The following SLC22A9 variants were observed in gnomAD, a reference collection of about 807,000 sequenced individuals.
SLC22A9 encodes the protein solute carrier family 22 member 9.
SLC22A9 carries 64 observed loss-of-function variants against 50.1 expected under a neutral mutation model. That is an observed-to-expected ratio of 1.28 (90% confidence interval 1.04 to 1.57). The LOEUF is 1.57. Ranked by LOEUF, SLC22A9 falls within the 40% of genes most tolerant of loss-of-function variation. The pLI is 0.00. For missense variants in SLC22A9, 757 were observed against 676.1 expected (o/e 1.12, Z -1.33); for synonymous variants, 261 against 242.5 (o/e 1.08, Z -0.71).
chr11:63,404,565 C>G (rs1032223143), intron 6 of SLC22A9, among the ~76,000 whole-genome samples: 1 of 152,042 alleles, frequency 6.6e-6, no homozygotes, highest in Non-Finnish European at 1.5e-5. Flanking sequence ...TGAGAGCCCC[C>G]AACTAAATTT....
At chr11:63,388,395 G>A (rs1011328387) in intron 6 of SLC22A9, among the ~76,000 whole-genome samples, 6 of 151,380 alleles carry the variant, frequency 4.0e-5, no homozygotes, top group Non-Finnish European at 1.5e-5. Flanking sequence ...GGATGTTGAA[G>A]TTTATCATAT....
At chr11:63,396,933 A>T (rs1192063857) in intron 6 of SLC22A9, among the ~76,000 whole-genome samples, 2 of 152,102 alleles carry the variant, frequency 1.3e-5, no homozygotes, top group African/African-American at 4.8e-5. Flanking sequence ...GTGGATGTTC[A>T]TCAGTGTCTG....
chr11:63,376,664 A>C (rs2014465514), intron 5 of SLC22A9, among the ~76,000 whole-genome samples: 1 of 152,062 alleles, frequency 6.6e-6, no homozygotes, highest in Admixed American at 6.6e-5. Flanking sequence ...TTATTGAAAA[A>C]GGAGAGGATT....
intron 6 of SLC22A9, among the ~76,000 whole-genome samples, chr11:63,386,672 C>T (rs1374825975): frequency 6.6e-6 from 1 of 151,170 alleles, no homozygotes; most frequent in Admixed American, 6.6e-5. Flanking sequence ...TGGTGATATC[C>T]ACTTTGCCAT....
chr11:63,395,392 G>T (rs1192716788), intron 6 of SLC22A9, among the ~76,000 whole-genome samples: 2 of 152,088 alleles, frequency 1.3e-5, no homozygotes, highest in Non-Finnish European at 2.9e-5. Context: ...CTGTTGTTCA[G>T]GTTATTTTGT....
intron 6 of SLC22A9, among the ~76,000 whole-genome samples, chr11:63,391,362 A>G (rs1334096744): frequency 6.6e-6 from 1 of 152,024 alleles, no homozygotes; most frequent in Non-Finnish European, 1.5e-5. Context: ...ATTAAGTCCA[A>G]TGTTTCTTTG....
chr11:63,395,675 T>C (rs750378808), intron 6 of SLC22A9, among the ~76,000 whole-genome samples: 1 of 152,206 alleles, frequency 6.6e-6, no homozygotes, highest in Non-Finnish European at 1.5e-5. Context: ...TTTAATGTTC[T>C]ATTTTTGTGC....
chr11:63,401,547 A>T (rs1228920609), intron 6 of SLC22A9, among the ~76,000 whole-genome samples: 1 of 152,160 alleles, frequency 6.6e-6, no homozygotes, highest in Non-Finnish European at 1.5e-5. Flanking sequence ...AAATGTCCCT[A>T]TTACCCAAGG....
intron 6 of SLC22A9, among the ~76,000 whole-genome samples, chr11:63,397,939 C>A (rs2014888412): frequency 6.6e-6 from 1 of 152,088 alleles, no homozygotes; most frequent in East Asian, 1.9e-4. Context: ...CTCTTCTTTT[C>A]TCAAGTAGAA....
Position 63,409,793 on chromosome 11 carries a change from T to G in SLC22A9, c.1602-9T>G, listed in dbSNP as rs1347537335. On this transcript the variant is annotated splice_polypyrimidine_tract_variant and intron_variant, in intron 9 of 9. Transcript: ENST00000279178. ...TGATTTTTTGTTGGTTTCTTTGTATTTGTTCTAGGAGAAAAGACCCCAGAG... is the reference window on the plus strand; with the variant it reads ...TGATTTTTTGTTGGTTTCTTTGTATGTGTTCTAGGAGAAAAGACCCCAGAG... 6.2e-7 allele frequency: 1 copy of G among 1,613,384 alleles called. No individual in the cohort carries two copies. The highest frequency in any genetic ancestry group is 2.2e-5 in the East Asian group (1 of 44,780).
rs561325372 is a variant in SLC22A9 at position 63,406,029 on chromosome 11, G to T, written c.1074-468G>T. 3.4e-4 allele frequency among the ~76,000 whole-genome samples: 51 copies of T among 152,238 alleles called. No individual in the cohort carries two copies. The South Asian group carries it at 0.01, about 30-fold the overall frequency. On this transcript the variant is annotated intron_variant, in intron 6 of 9. Coordinates refer to ENST00000279178, the MANE Select transcript of SLC22A9 (RefSeq NM_080866.3). Reference sequence around the variant, plus strand: ...ACTTTAGCTTTGAGAGACAGGACTTGGTGGTTGAAATATGAGTTTGAGACT... The same window carrying T: ...ACTTTAGCTTTGAGAGACAGGACTTTGTGGTTGAAATATGAGTTTGAGACT...
intron 1 of SLC22A9, 89 bp downstream of exon 1, chr11:63,370,547 A>G (rs912469404): frequency 3.5e-6 from 5 of 1,418,542 alleles, no homozygotes; most frequent in African/African-American, 2.9e-5. Flanking sequence ...CTTCAGTCAC[A>G]TGTAGGTCCT....
chr11:63,370,154 T>G lies in SLC22A9; in HGVS notation c.98T>G (p.Leu33Arg). Residue 33 changes from leucine (L) to arginine (R), a missense_variant, in exon 1 of 10, where the codon CTT (leucine) becomes CGT (arginine). Coordinates refer to ENST00000279178, the MANE Select transcript of SLC22A9 (RefSeq NM_080866.3). ...TCAATCTTTGCTGTTGCTACATACC[T>G]TCATTTTATGCTGGAGAACTTCACT... ...FLSIFAVATY[L>R]HFMLENFTAF... 3.7e-6 allele frequency: 6 copies of G among 1,614,070 alleles called. No individual in the cohort carries two copies. Among genetic ancestry groups the G allele is most frequent in the Non-Finnish European group, 5.1e-6 (6 of 1,179,936 alleles).
At chr11:63,371,029 A>T in intron 1 of SLC22A9, 106 bp from the exon 2 acceptor site, 1 of 730,682 alleles carries the variant, frequency 1.4e-6, no homozygotes, top group Non-Finnish European at 2.3e-6. Context: ...CCACAGAGGA[A>T]GTTAGAGACT....
intron 6 of SLC22A9, among the ~76,000 whole-genome samples, chr11:63,406,080 G>A (rs182144639): frequency 6.6e-6 from 1 of 152,242 alleles, no homozygotes; most frequent in Non-Finnish European, 1.5e-5. Context: ...GAGGAAGGTG[G>A]CAGCATTTTC....
chr11:63,383,061 C>A (rs190707009), intron 6 of SLC22A9, among the ~76,000 whole-genome samples: 1 of 152,122 alleles, frequency 6.6e-6, no homozygotes, highest in Non-Finnish European at 1.5e-5. Flanking sequence ...TCACTCAGAG[C>A]ACTTATGGAA....
intron 6 of SLC22A9, among the ~76,000 whole-genome samples, chr11:63,402,936 A>G (rs1372228999): frequency 6.6e-6 from 1 of 152,164 alleles, no homozygotes. Flanking sequence ...TCACACATAT[A>G]CATGCTCATC....
In SLC22A9 at chr11:63,394,841, T is replaced by C. The variant is rs932910368; in HGVS notation, c.1074-11656T>C. Among the ~76,000 whole-genome samples, 2 of 152,166 alleles carry C rather than the reference T, an allele frequency of 1.3e-5. 1 individual carries two copies. The highest frequency in any genetic ancestry group is 4.1e-4 in the South Asian group (2 of 4,828). Reference sequence around the variant, plus strand: ...TGTTTTCCAAACTTTTAGATTTCTCTTCTTACTCAGGAACACCAAATATTC... The same window carrying C: ...TGTTTTCCAAACTTTTAGATTTCTCCTCTTACTCAGGAACACCAAATATTC... On this transcript the variant is annotated intron_variant, in intron 6 of 9. Transcript: ENST00000279178.
intron 6 of SLC22A9, among the ~76,000 whole-genome samples, chr11:63,405,126 T>C (rs1009756411): frequency 2.0e-5 from 3 of 151,184 alleles, no homozygotes; most frequent in Admixed American, 6.6e-5. Flanking sequence ...ATAATAACAA[T>C]AATAATAATA....
Sources: gnomAD v4.1 joint callset for allele counts (sites outside exome capture counted in the v4.1 genomes callset) on GRCh38, gnomAD v4.1.1 for gene constraint, MANE v1.5 for transcripts, NCBI Gene and HGNC (gene_info 2026-07-23, HGNC 2026-07-21) for gene names.